RPL39L: variants seen among roughly 807,000 people sequenced by gnomAD.
RPL39L encodes ribosomal protein eL39-like 2.
For missense variants in RPL39L, 48 were observed against 58.9 expected (o/e 0.81, Z 0.61); for synonymous variants, 16 against 20.1 (o/e 0.80, Z 0.55).
chr3:187,126,764 T>C (rs1195592052), intron 2 of RPL39L, among the ~76,000 whole-genome samples: 1 of 152,070 alleles, frequency 6.6e-6, no homozygotes, highest in African/African-American at 2.4e-5. Context: ...CCCAGAACAT[T>C]AGGACCTCCA....
intron 1 of RPL39L, among the ~76,000 whole-genome samples, chr3:187,131,419 C>T (rs1224210656): frequency 6.6e-6 from 1 of 152,192 alleles, no homozygotes; most frequent in African/African-American, 2.4e-5. Context: ...TGCCTGTAAT[C>T]CCAGCTACTT....
At chr3:187,132,808 G>A (rs138323314) in intron 1 of RPL39L, among the ~76,000 whole-genome samples, 1 of 152,150 alleles carries the variant, frequency 6.6e-6, no homozygotes, top group Non-Finnish European at 1.5e-5. Flanking sequence ...CCCAGTATGA[G>A]AACTAAAAGT....
intron 1 of RPL39L, among the ~76,000 whole-genome samples, chr3:187,130,752 T>C (rs1435316776): frequency 6.6e-6 from 1 of 152,204 alleles, no homozygotes; most frequent in Non-Finnish European, 1.5e-5. Context: ...TGACAAAAAT[T>C]TTCATCCTAA....
intron 1 of RPL39L, among the ~76,000 whole-genome samples, chr3:187,136,946 T>C (rs36018933): frequency 0.33 from 49,611 of 151,454 alleles, 10,045 homozygotes; most frequent in African/African-American, 0.57. Context: ...TGGCTCACAC[T>C]TGTAATCCTA....
intron 2 of RPL39L, among the ~76,000 whole-genome samples, chr3:187,121,633 G>A (rs565590953): frequency 3.8e-4 from 58 of 152,232 alleles, no homozygotes; most frequent in African/African-American, 1.3e-3. Flanking sequence ...TCCATCAAGA[G>A]GAATTATTTT....
intron 2 of RPL39L, among the ~76,000 whole-genome samples, chr3:187,124,349 G>A (rs1416828077): frequency 6.6e-6 from 1 of 152,096 alleles, no homozygotes; most frequent in Non-Finnish European, 1.5e-5. Context: ...TCTAGAAACT[G>A]GATAGCCTAT....
At chr3:187,132,181 C>G (rs1156470688) in intron 1 of RPL39L, among the ~76,000 whole-genome samples, 1 of 152,200 alleles carries the variant, frequency 6.6e-6, no homozygotes, top group Non-Finnish European at 1.5e-5. Context: ...GTAACATAAA[C>G]CAAATATGCC....
In RPL39L at chr3:187,138,699, G is replaced by C. The variant is rs1354658482; in HGVS notation, c.-93+514C>G. ...AGGGCGGAACATGGATCCCTTTAAG[G>C]CTACTTTATTGTCGATTTCCTCCTT... On this transcript the variant is annotated intron_variant, in intron 1 of 2. Transcript: ENST00000296277. Among the ~76,000 whole-genome samples the C allele has an allele frequency of 3.9e-5, 6 of 152,224 alleles. No individual in the cohort carries two copies. In the East Asian group the frequency reaches 7.7e-4, roughly 20 times the overall value.
chr3:187,138,018 AGGCGT>A (rs1720615122), intron 1 of RPL39L, among the ~76,000 whole-genome samples: 1 of 152,180 alleles, frequency 6.6e-6, no homozygotes, highest in African/African-American at 2.4e-5. Flanking sequence ...GAAATTGAGA[AGGCGT>A]GGAGGGTGAC....
intron 1 of RPL39L, among the ~76,000 whole-genome samples, chr3:187,132,889 C>T (rs1720509636): frequency 6.6e-6 from 1 of 152,008 alleles, no homozygotes; most frequent in South Asian, 2.1e-4. Flanking sequence ...AGGTCACAGA[C>T]CAATAAAGTA....
intron 2 of RPL39L, among the ~76,000 whole-genome samples, chr3:187,124,396 G>A (rs1720363335): frequency 6.6e-6 from 1 of 152,152 alleles, no homozygotes; most frequent in South Asian, 2.1e-4. Flanking sequence ...ATAAATGGAA[G>A]GCCTGCTGCA....
At chr3:187,135,413 A>ATGT (rs1421149540) in intron 1 of RPL39L, among the ~76,000 whole-genome samples, 1 of 152,192 alleles carries the variant, frequency 6.6e-6, no homozygotes, top group African/African-American at 2.4e-5. Flanking sequence ...GTGATAGTGA[A>ATGT]TAAGTCTCAT....
At chr3:187,132,207 G>A (rs1414538846) in intron 1 of RPL39L, among the ~76,000 whole-genome samples, 7 of 152,230 alleles carry the variant, frequency 4.6e-5, no homozygotes, top group African/African-American at 1.7e-4. Flanking sequence ...GCAGCTGATA[G>A]CAAGATTATA....
At chr3:187,123,616 G>C (rs1486793683) in intron 2 of RPL39L, among the ~76,000 whole-genome samples, 1 of 152,170 alleles carries the variant, frequency 6.6e-6, no homozygotes, top group African/African-American at 2.4e-5. Context: ...CAAGAATACA[G>C]GGAAAGAACT....
intron 2 of RPL39L, among the ~76,000 whole-genome samples, chr3:187,126,771 T>C (rs1449990618): frequency 1.3e-5 from 2 of 152,124 alleles, no homozygotes; most frequent in African/African-American, 4.8e-5. Context: ...CATTAGGACC[T>C]CCATTTTGAC....
At chr3:187,130,356 T>C (rs529026345) in intron 1 of RPL39L, among the ~76,000 whole-genome samples, 1 of 152,358 alleles carries the variant, frequency 6.6e-6, no homozygotes, top group East Asian at 1.9e-4. Flanking sequence ...CACCCAAATC[T>C]CATGTTGAAT....
chr3:187,136,094 G>T (rs144214448), intron 1 of RPL39L, among the ~76,000 whole-genome samples: 1 of 152,324 alleles, frequency 6.6e-6, no homozygotes, highest in African/African-American at 2.4e-5. Context: ...AAACACTAAA[G>T]ATCGAGATAT....
rs777194842 is a variant in RPL39L, at chr3:187,121,270, G to A, written c.31C>T (p.Arg11Ter). MSSHKTFTIK[R>*]FLAKKQKQNR... ...TGCTTTTGTTTCTTGGCCAGGAATCGCTTAATGGTGAAAGTCTTGTGAGAA... is the reference window on the plus strand; with the variant it reads ...TGCTTTTGTTTCTTGGCCAGGAATCACTTAATGGTGAAAGTCTTGTGAGAA... The change falls in exon 3 of 3, where the codon CGA becomes TGA. Residue 11 changes from arginine (R) to a stop codon, truncating the protein, a stop_gained. Transcript: ENST00000296277. LOFTEE classifies it high-confidence loss of function. The A allele has an allele frequency of 1.9e-6, 3 of 1,613,948 alleles. No individual in the cohort carries two copies. Among genetic ancestry groups the A allele is most frequent in the Non-Finnish European group, 8.5e-7 (1 of 1,179,882 alleles).
chr3:187,138,212 A>G (rs1720618580), intron 1 of RPL39L, among the ~76,000 whole-genome samples: 1 of 152,236 alleles, frequency 6.6e-6, no homozygotes, highest in African/African-American at 2.4e-5. Context: ...GGCCCAGTGC[A>G]AAATGAAAAT....
Sources: gnomAD v4.1 joint callset for allele counts (sites outside exome capture counted in the v4.1 genomes callset) on GRCh38, gnomAD v4.1.1 for gene constraint, MANE v1.5 for transcripts, NCBI Gene and HGNC (gene_info 2026-07-23, HGNC 2026-07-21) for gene names.